The following NOL4 variants were observed in gnomAD, a reference collection of about 807,000 sequenced individuals.
NOL4 encodes cancer/testis antigen 125.
In NOL4, 17 loss-of-function variants were observed where a neutral mutation model predicts 75.9. The ratio of observed to expected loss-of-function variants is 0.22; its 90% CI spans 0.15 to 0.34. The LOEUF (loss-of-function observed/expected upper bound fraction) is 0.34. NOL4 is among the 10% of genes least tolerant of loss of function. NOL4 has a pLI of 1.00. For missense variants in NOL4, 614 were observed against 793.5 expected, an observed-to-expected ratio of 0.77 and a Z score of 2.72; for synonymous variants, 292 against 289.9, an observed-to-expected ratio of 1.01 and a Z score of -0.07.
chr18:34,161,662 T>G (rs1240809031), intron 1 of NOL4, among the ~76,000 whole-genome samples: 1 of 152,206 alleles, frequency 6.6e-6, no homozygotes, highest in South Asian at 2.1e-4. Flanking sequence ...TGATGTCTAT[T>G]CAGATCATTT....
chr18:33,936,546 T>A (rs1219307932), intron 9 of NOL4, among the ~76,000 whole-genome samples: 2 of 151,712 alleles, frequency 1.3e-5, no homozygotes, highest in Non-Finnish European at 2.9e-5. Context: ...TTCAATAGAG[T>A]CAATGGTGTC....
chr18:33,933,139 A>G (rs2067815736), intron 9 of NOL4, among the ~76,000 whole-genome samples: 1 of 152,160 alleles, frequency 6.6e-6, no homozygotes, highest in Admixed American at 6.6e-5. Flanking sequence ...TTGTTTTTCT[A>G]CTGCATATAA....
In NOL4 at chr18:34,068,351, A is replaced by C. The variant is rs191400493; in HGVS notation, c.772+25114T>G. Among the ~76,000 whole-genome samples the C allele has an allele frequency of 2.1e-3, 322 of 152,230 alleles. 5 individuals carry two copies. The highest frequency in any genetic ancestry group is 7.2e-3 in the African/African-American group (300 of 41,534). ...ATGAAAACAGCAGCAGTGAAGGAGG[A>C]ACAATGCTAAGAGAATTGCTTATTT... On this transcript the variant is annotated intron_variant, in intron 5 of 10. Transcript: ENST00000261592.
At chr18:34,203,684 C>CT (rs2035898865) in intron 1 of NOL4, among the ~76,000 whole-genome samples, 4 of 117,162 alleles carry the variant, frequency 3.4e-5, no homozygotes, top group African/African-American at 1.3e-4. Context: ...CTCTCTCTCT[C>CT]CCTCTCTCTC....
intron 4 of NOL4, among the ~76,000 whole-genome samples, chr18:34,100,996 G>C (rs1186286890): frequency 6.6e-6 from 1 of 152,050 alleles, no homozygotes; most frequent in Non-Finnish European, 1.5e-5. Flanking sequence ...TCAGATTAAA[G>C]ACCTTGGAGC....
chr18:34,069,732 C>T (rs953277669), intron 5 of NOL4, among the ~76,000 whole-genome samples: 3 of 152,172 alleles, frequency 2.0e-5, no homozygotes, highest in African/African-American at 7.2e-5. Flanking sequence ...CACAGTAACC[C>T]GCTCAGGAAG....
intron 6 of NOL4, among the ~76,000 whole-genome samples, chr18:34,012,940 G>A (rs1000451342): frequency 2.6e-5 from 4 of 151,952 alleles, no homozygotes; most frequent in Admixed American, 6.6e-5. Flanking sequence ...TGGGTGTAGC[G>A]AAAATTACAT....
chr18:33,875,712 T>C (rs1462781392), intron 10 of NOL4, among the ~76,000 whole-genome samples: 1 of 150,320 alleles, frequency 6.7e-6, no homozygotes, highest in African/African-American at 2.4e-5. Context: ...TAATTATCTC[T>C]GTAGCCTTTT....
At chr18:33,887,936 G>T (rs2064861303) in intron 9 of NOL4, among the ~76,000 whole-genome samples, 1 of 152,156 alleles carries the variant, frequency 6.6e-6, no homozygotes, top group African/African-American at 2.4e-5. Context: ...TATATCCCCA[G>T]TAATGGGATG....
chr18:33,951,878 C>A (rs2069252662), intron 8 of NOL4, among the ~76,000 whole-genome samples: 1 of 152,150 alleles, frequency 6.6e-6, no homozygotes, highest in East Asian at 1.9e-4. Context: ...ATACATTTCT[C>A]AGTTTATATG....
At chr18:34,114,578 A>G (rs1281452909) in intron 2 of NOL4, among the ~76,000 whole-genome samples, 2 of 152,310 alleles carry the variant, frequency 1.3e-5, no homozygotes, top group East Asian at 3.9e-4. Context: ...GTTGTTTTCT[A>G]GGAATCTAGA....
intron 6 of NOL4, among the ~76,000 whole-genome samples, chr18:33,988,284 G>A (rs2072623919): frequency 6.6e-6 from 1 of 152,002 alleles, no homozygotes; most frequent in African/African-American, 2.4e-5. Flanking sequence ...ACCCCAAGAG[G>A]CTATCACTAG....
intron 5 of NOL4, among the ~76,000 whole-genome samples, chr18:34,026,091 A>G (rs754052744): frequency 6.6e-5 from 10 of 152,162 alleles, no homozygotes; most frequent in Non-Finnish European, 1.3e-4. Flanking sequence ...AGGATCCACA[A>G]TACCTGCTCC....
intron 9 of NOL4, among the ~76,000 whole-genome samples, chr18:33,884,930 C>A (rs1055831059): frequency 2.0e-5 from 3 of 152,070 alleles, no homozygotes; most frequent in African/African-American, 7.2e-5. Flanking sequence ...CAAACTGAAT[C>A]AAATCTAACT....
At chr18:33,986,912 C>T (rs2072504509) in intron 6 of NOL4, among the ~76,000 whole-genome samples, 1 of 151,920 alleles carries the variant, frequency 6.6e-6, no homozygotes. Context: ...CCATATATTG[C>T]GATACTAATC....
At chr18:33,967,821 G>A (rs1246934540) in intron 6 of NOL4, among the ~76,000 whole-genome samples, 1 of 152,176 alleles carries the variant, frequency 6.6e-6, no homozygotes, top group Admixed American at 6.5e-5. Flanking sequence ...GGGCACGGTG[G>A]CTCATGCCTG....
intron 5 of NOL4, among the ~76,000 whole-genome samples, chr18:34,083,100 G>C (rs74897848): frequency 1.4e-5 from 2 of 138,768 alleles, no homozygotes; most frequent in Admixed American, 7.6e-5. Flanking sequence ...CTCTCTCTCT[G>C]TCTTTATATA....
At chr18:34,211,690 C>G (rs1019451385) in intron 1 of NOL4, among the ~76,000 whole-genome samples, 2 of 152,064 alleles carry the variant, frequency 1.3e-5, no homozygotes, top group East Asian at 3.9e-4. Flanking sequence ...TTCAAAAACT[C>G]GTAACTGTGA....
At chr18:34,071,001 C>T (rs960704992) in intron 5 of NOL4, among the ~76,000 whole-genome samples, 7 of 152,006 alleles carry the variant, frequency 4.6e-5, no homozygotes, top group Non-Finnish European at 8.8e-5. Context: ...TACAAAGTTA[C>T]AGTTAGGAGA....
Sources: allele counts gnomAD v4.1 joint callset (sites outside exome capture counted in the v4.1 genomes callset), GRCh38; gene constraint gnomAD v4.1.1; transcripts MANE v1.5; gene names NCBI Gene and HGNC (gene_info 2026-07-23, HGNC 2026-07-21).